Variants in CSTF3 observed in about 807,000 individuals in gnomAD.
CSTF3 encodes the protein CF-1 77 kDa subunit.
In CSTF3, 29 loss-of-function variants were observed where a neutral mutation model predicts 105.8. That is an observed-to-expected ratio of 0.27 (90% confidence interval 0.20 to 0.37). The LOEUF (loss-of-function observed/expected upper bound fraction) is 0.37, where lower values mean the gene tolerates loss of function less well. CSTF3 is among the 10% of genes least tolerant of loss of function. The pLI is 1.00. For synonymous variants in CSTF3, 252 were observed against 281.9 expected (o/e 0.89, Z 1.06); for missense variants, 357 against 879.3 (o/e 0.41, Z 7.51).
chr11:33,155,605 C>T (rs1266126680), intron 1 of CSTF3, among the ~76,000 whole-genome samples: 1 of 152,026 alleles, frequency 6.6e-6, no homozygotes, highest in Non-Finnish European at 1.5e-5. Flanking sequence ...ATTAGAAAAA[C>T]ATTAATTAGG....
At chr11:33,123,193 A>C (rs1200384609) in intron 3 of CSTF3, among the ~76,000 whole-genome samples, 1 of 151,856 alleles carries the variant, frequency 6.6e-6, no homozygotes, top group African/African-American at 2.4e-5. Context: ...GATGAAAAAA[A>C]AAAACAAAAA....
rs751117092 is a variant in CSTF3, at chr11:33,090,556, A to G, written c.1617T>C (p.Ser539=). The G allele has an allele frequency of 2.5e-6, 4 of 1,598,416 alleles. No individual in the cohort carries two copies. The African/African-American group carries it at 4.1e-5, about 16-fold the overall frequency. ...CCTTATAACCAAGTGCTTTTAATTC[A>G]CTTGCAGAGCAAGGATATAAATCCA... is the stretch of plus-strand genomic sequence containing the variant. ...KFMDLYPCSA[S]ELKALGYKDV... Residue 539 remains serine, a synonymous_variant, in exon 17 of 21, where the codon AGT becomes AGC. Coordinates refer to ENST00000323959, the MANE Select transcript of CSTF3 (RefSeq NM_001326.3).
At position 33,085,085 on chromosome 11, in the gene CSTF3, C is replaced by T. The variant is rs749412628; in HGVS notation, c.*2G>A. On this transcript the variant is annotated 3_prime_UTR_variant, in exon 21 of 21. Coordinates refer to ENST00000323959, the MANE Select transcript of CSTF3 (RefSeq NM_001326.3). ...GAGTTTTCTGCAGAGGCGTTTAAAACCCTACCGAATCCGCTTCTGCTGCCG... is the reference window on the plus strand; with the variant it reads ...GAGTTTTCTGCAGAGGCGTTTAAAATCCTACCGAATCCGCTTCTGCTGCCG... The T allele has an allele frequency of 1.9e-6, 3 of 1,613,876 alleles. No individual in the cohort carries two copies. The highest frequency in any genetic ancestry group is 2.5e-6 in the Non-Finnish European group (3 of 1,179,942).
At chr11:33,124,896 A>C (rs1855528197) in intron 3 of CSTF3, among the ~76,000 whole-genome samples, 1 of 152,212 alleles carries the variant, frequency 6.6e-6, no homozygotes, top group African/African-American at 2.4e-5. Flanking sequence ...CCTTACTGCC[A>C]TTCCTTTGAA....
At chr11:33,122,636 C>T (rs891062588) in intron 3 of CSTF3, among the ~76,000 whole-genome samples, 5 of 151,730 alleles carry the variant, frequency 3.3e-5, no homozygotes, top group East Asian at 1.9e-4. Context: ...AAATATAGGC[C>T]GAGCATGGTG....
intron 13 of CSTF3, among the ~76,000 whole-genome samples, chr11:33,097,465 G>A (rs542105304): frequency 1.3e-5 from 2 of 152,058 alleles, no homozygotes; most frequent in Admixed American, 6.5e-5. Context: ...TGTCTCCTGG[G>A]GTCAAGCCAT....
In CSTF3 at chr11:33,125,848, G is replaced by A. The variant is rs529248317; in HGVS notation, c.225+15819C>T. 5.9e-5 allele frequency among the ~76,000 whole-genome samples: 9 copies of A among 152,150 alleles called. No homozygotes were observed. The East Asian group carries it at 1.4e-3, about 23-fold the overall frequency. On this transcript the variant is annotated intron_variant, in intron 3 of 20. Transcript: ENST00000323959. Reference sequence around the variant, plus strand: ...GTTTAGGCATTCTGCTTATCTCCTCGCGTTCCTTTTTTCTCCCTCCCCAGT... The same window carrying A: ...GTTTAGGCATTCTGCTTATCTCCTCACGTTCCTTTTTTCTCCCTCCCCAGT...
chr11:33,131,873 T>A (rs1409643358), intron 3 of CSTF3, among the ~76,000 whole-genome samples: 1 of 152,092 alleles, frequency 6.6e-6, no homozygotes. Flanking sequence ...TGAACATTAT[T>A]GTTCCTTTTA....
Position 33,084,864 on chromosome 11 carries a change from C to T in CSTF3, c.*223G>A. 2 of 583,132 alleles carry T rather than the reference C, an allele frequency of 3.4e-6. No individual in the cohort carries two copies. The highest frequency in any genetic ancestry group is 2.9e-4 in the Middle Eastern group (1 of 3,452). The allele number at this position is 583,132 out of a possible 1,614,324, so 36.1% of individuals were successfully genotyped here. A position where few individuals can be genotyped will look rare whatever the true frequency, so the allele number is the denominator to read the frequency against. On this transcript the variant is annotated 3_prime_UTR_variant, in exon 21 of 21. Coordinates refer to ENST00000323959, the MANE Select transcript of CSTF3 (RefSeq NM_001326.3). ...TGGTTCTGCCACTTTGTACTGTTCT[C>T]ACATTTTTGAAAACCTAATTTTGCT...
In CSTF3 at chr11:33,099,741, A is replaced by G. The variant is rs1855261211; in HGVS notation, c.827-24T>C. 1 of 1,373,164 alleles carries G rather than the reference A, an allele frequency of 7.3e-7. No individual in the cohort carries two copies. Among genetic ancestry groups the G allele is most frequent in the Non-Finnish European group, 1.0e-6 (1 of 991,832 alleles). 85.1% of individuals were successfully genotyped at this position (1,373,164 alleles called of 1,614,324 possible). A position where few individuals can be genotyped will look rare whatever the true frequency, so the allele number is the denominator to read the frequency against. ...AACTAAGGGAAGAAATTAACAAACA[A>G]TATTCAATTAAAATAATTATTATTT... On this transcript the variant is annotated intron_variant, in intron 10 of 20. Coordinates refer to ENST00000323959, the MANE Select transcript of CSTF3 (RefSeq NM_001326.3). The surrounding 1 kb of genome is among the most constrained non-coding windows in gnomAD (Gnocchi z 4.1).
At chr11:33,135,098 T>C (rs1855639051) in intron 3 of CSTF3, among the ~76,000 whole-genome samples, 1 of 152,196 alleles carries the variant, frequency 6.6e-6, no homozygotes, top group South Asian at 2.1e-4. Flanking sequence ...ATCTGATTCT[T>C]AGTTTGGCAC....
chr11:33,108,517 A>T (rs1481682669), intron 3 of CSTF3, 99 bp from the exon 4 acceptor site: 1 of 848,114 alleles, frequency 1.2e-6, no homozygotes, highest in Non-Finnish European at 1.6e-6. Context: ...ATTCATCCCT[A>T]TAGTTTCTTA....
intron 3 of CSTF3, among the ~76,000 whole-genome samples, chr11:33,137,198 G>A (rs1276376567): frequency 1.3e-5 from 2 of 151,778 alleles, no homozygotes; most frequent in Non-Finnish European, 3.0e-5. Context: ...TTATAAAGCT[G>A]AGAAATACAT....
At chr11:33,114,211 C>G (rs1246523979) in intron 3 of CSTF3, among the ~76,000 whole-genome samples, 2 of 152,186 alleles carry the variant, frequency 1.3e-5, no homozygotes, top group African/African-American at 4.8e-5. Flanking sequence ...ACAGTTTAGA[C>G]TAGCCATGTC....
chr11:33,107,500 C>A (rs2133778522), intron 5 of CSTF3, among the ~76,000 whole-genome samples: 1 of 152,248 alleles, frequency 6.6e-6, no homozygotes, highest in East Asian at 1.9e-4. Flanking sequence ...GGCAACTTCA[C>A]AATACAATTG....
chr11:33,141,998 A>C lies in CSTF3; in HGVS notation c.28-12T>G, dbSNP rs777613009. On this transcript the variant is annotated splice_polypyrimidine_tract_variant and intron_variant, in intron 1 of 20. Transcript: ENST00000323959. ...ACATACTCAGCTGCCTGGGGAAAAA[A>C]AACAACAGTGAACTAAAGTTACTGT... 1.7e-5 allele frequency: 28 copies of C among 1,613,534 alleles called. No homozygotes were observed. The Middle Eastern group carries it at 4.9e-4, about 28-fold the overall frequency.
At chr11:33,115,745 A>G (rs1030420890) in intron 3 of CSTF3, among the ~76,000 whole-genome samples, 5 of 152,146 alleles carry the variant, frequency 3.3e-5, no homozygotes, top group Non-Finnish European at 5.9e-5. Context: ...CCTATGATAA[A>G]TTGTATTGTT....
intron 3 of CSTF3, among the ~76,000 whole-genome samples, chr11:33,131,768 C>T (rs2474869): frequency 0.55 from 83,009 of 151,736 alleles, 25,196 homozygotes; most frequent in Non-Finnish European, 0.68. Flanking sequence ...AGGAGAATGG[C>T]GTGAACCCGG....
At chr11:33,108,212 A>G (rs1242516471) in intron 4 of CSTF3, among the ~76,000 whole-genome samples, 174 bp downstream of exon 4, 2 of 152,156 alleles carry the variant, frequency 1.3e-5, no homozygotes, top group African/African-American at 4.8e-5. Flanking sequence ...TTCCTTTTCC[A>G]AAACTTTTAT....
Sources: allele counts gnomAD v4.1 joint callset (sites outside exome capture counted in the v4.1 genomes callset), GRCh38; gene constraint gnomAD v4.1.1; non-coding constraint Gnocchi (gnomAD v3.1); transcripts MANE v1.5; gene names NCBI Gene and HGNC (gene_info 2026-07-23, HGNC 2026-07-21).